The following ZFAT variants were observed in gnomAD, a reference collection of about 807,000 sequenced individuals.
ZFAT encodes zinc finger protein ZFAT.
In ZFAT, 64 loss-of-function variants were observed where a neutral mutation model predicts 117.7. The ratio of observed to expected loss-of-function variants is 0.54; its 90% confidence interval spans 0.44 to 0.67. The LOEUF (loss-of-function observed/expected upper bound fraction) is 0.67. ZFAT is among the 30% of genes least tolerant of loss of function. The probability of loss-of-function intolerance (pLI) is 0.00; values close to 1 mark genes in which losing one functional copy is unlikely to be tolerated. For synonymous variants in ZFAT, 679 were observed against 615.0 expected (o/e 1.10, Z -1.54); for missense variants, 1,433 against 1,584.5 (o/e 0.90, Z 1.62).
At chr8:134,647,560 A>G (rs1321593054) in intron 2 of ZFAT, among the ~76,000 whole-genome samples, 1 of 152,212 alleles carries the variant, frequency 6.6e-6, no homozygotes, top group East Asian at 1.9e-4. Flanking sequence ...CAAAGCATGC[A>G]AAGTAAAATG....
chr8:134,745,793 G>A, the ZFAT span, among the ~76,000 whole-genome samples: 1 of 152,170 alleles, frequency 6.6e-6, no homozygotes, highest in East Asian at 1.9e-4. Context: ...AACATCCTGT[G>A]AGATGAGTAT....
intron 2 of ZFAT, among the ~76,000 whole-genome samples, chr8:134,638,547 T>TAAA (rs1830371290): frequency 2.8e-4 from 3 of 10,538 alleles, no homozygotes; most frequent in African/African-American, 5.3e-4. Flanking sequence ...CTACTAAAAA[T>TAAA]ACAAAAAAAA....
At chr8:134,752,832 G>T in the ZFAT span, among the ~76,000 whole-genome samples, 4 of 152,044 alleles carry the variant, frequency 2.6e-5, no homozygotes, top group Admixed American at 6.5e-5. Flanking sequence ...GATTATAAGG[G>T]CCCCGCCCTC....
chr8:134,515,158 T>TA (rs1820161453), intron 13 of ZFAT, among the ~76,000 whole-genome samples: 1 of 152,242 alleles, frequency 6.6e-6, no homozygotes, highest in African/African-American at 2.4e-5. Context: ...TATGGCTGCA[T>TA]AGTATTCCAT....
At chr8:134,670,091 G>T (rs141582019) in intron 1 of ZFAT, among the ~76,000 whole-genome samples, 2,909 of 152,030 alleles carry the variant, frequency 0.019, 112 homozygotes, top group African/African-American at 0.067. Flanking sequence ...GGAGTACCCA[G>T]ATTCATAAAG....
the ZFAT span, among the ~76,000 whole-genome samples, chr8:134,749,731 TA>T: frequency 2.0e-5 from 3 of 152,242 alleles, no homozygotes; most frequent in African/African-American, 7.2e-5. Context: ...TATTATTTAT[TA>T]AAAATGTTAT....
intron 3 of ZFAT, among the ~76,000 whole-genome samples, chr8:134,611,367 G>A (rs1487360000): frequency 6.6e-6 from 1 of 152,234 alleles, no homozygotes; most frequent in African/African-American, 2.4e-5. Context: ...TCCAATCTAG[G>A]GACAGATGGC....
intron 15 of ZFAT, among the ~76,000 whole-genome samples, chr8:134,479,195 T>C (rs1161876126): frequency 6.6e-6 from 1 of 152,210 alleles, no homozygotes; most frequent in Non-Finnish European, 1.5e-5. Context: ...TCAGGGAGCT[T>C]GCCTCTGTGT....
At chr8:134,622,566 AGAT>A (rs1352767291) in intron 3 of ZFAT, among the ~76,000 whole-genome samples, 1 of 152,118 alleles carries the variant, frequency 6.6e-6, no homozygotes, top group African/African-American at 2.4e-5. Flanking sequence ...TTTTAAGGGC[AGAT>A]AATAAGCAAG....
At chr8:134,742,591 T>G in the ZFAT span, among the ~76,000 whole-genome samples, 1 of 152,130 alleles carries the variant, frequency 6.6e-6, no homozygotes, top group African/African-American at 2.4e-5. Context: ...GGCTCCCACC[T>G]CTCTCCAGAC....
At position 134,520,166 on chromosome 8, in the gene ZFAT, T is replaced by C. The variant is rs58588080; in HGVS notation, c.3234+717A>G. ...GGTAATGTCTGGAGACATTTTTGGG[T>C]ATCTCAACAGGGGATGGGGTTGGGG... On this transcript the variant is annotated intron_variant, in intron 13 of 15. Coordinates refer to ENST00000377838, the MANE Select transcript of ZFAT (RefSeq NM_020863.4). Among the ~76,000 whole-genome samples the C allele has an allele frequency of 7.7e-3, 1,177 of 152,270 alleles. 13 individuals are homozygous for C. Among genetic ancestry groups the C allele is most frequent in the African/African-American group, 0.027 (1,103 of 41,548 alleles).
chr8:134,728,342 C>T, the ZFAT span, among the ~76,000 whole-genome samples: 2 of 151,770 alleles, frequency 1.3e-5, no homozygotes, highest in Admixed American at 6.6e-5. Context: ...AATATTTCTA[C>T]GCAAGCAGAT....
chr8:134,690,054 T>C (rs1833518232), intron 1 of ZFAT, among the ~76,000 whole-genome samples: 1 of 152,272 alleles, frequency 6.6e-6, no homozygotes, highest in African/African-American at 2.4e-5. Context: ...TTTTGTGTAC[T>C]AAGTCTTCAA....
chr8:134,615,779 T>G (rs1192342851), intron 3 of ZFAT, among the ~76,000 whole-genome samples: 1 of 152,270 alleles, frequency 6.6e-6, no homozygotes, highest in African/African-American at 2.4e-5. Context: ...CATTACATTC[T>G]ATTCTTGAAA....
In ZFAT at chr8:134,657,743, AGG is replaced by A; in HGVS notation, c.20-8_20-7del. On this transcript the variant is annotated splice_region_variant and splice_polypyrimidine_tract_variant and intron_variant, in intron 1 of 15. Transcript: ENST00000377838. ...CATAAAGATGGCCGTGTTTTCTGTA[AGG>A]AAAAAAAAGGAAAATATGTTATTTC... The A allele has an allele frequency of 1.2e-6, 2 of 1,607,090 alleles. No homozygotes were observed. Among genetic ancestry groups the A allele is most frequent in the Admixed American group, 1.7e-5 (1 of 58,664 alleles).
chr8:134,512,792 T>G (rs975411863), intron 13 of ZFAT, among the ~76,000 whole-genome samples, 191 bp from the exon 14 acceptor site: 1 of 152,220 alleles, frequency 6.6e-6, no homozygotes, highest in African/African-American at 2.4e-5. Flanking sequence ...TCTGTGAGGA[T>G]CAAGACCTTT....
chr8:134,592,239 A>G (rs1200398481), intron 7 of ZFAT, among the ~76,000 whole-genome samples: 1 of 152,206 alleles, frequency 6.6e-6, no homozygotes, highest in African/African-American at 2.4e-5. Context: ...CCCACCGGGC[A>G]GTCTACTCCT....
chr8:134,791,213 T>C, the ZFAT span, among the ~76,000 whole-genome samples: 6 of 152,212 alleles, frequency 3.9e-5, no homozygotes, highest in Non-Finnish European at 4.4e-5. Flanking sequence ...CACAGACACC[T>C]TCCTCTTTCT....
intron 1 of ZFAT, among the ~76,000 whole-genome samples, chr8:134,687,214 C>G (rs764763814): frequency 3.3e-5 from 5 of 152,200 alleles, no homozygotes; most frequent in Non-Finnish European, 7.3e-5. Context: ...TCATGCATCT[C>G]ATAAAATGCT....
Sources: gnomAD v4.1 joint callset for allele counts (sites outside exome capture counted in the v4.1 genomes callset) on GRCh38, gnomAD v4.1.1 for gene constraint, MANE v1.5 for transcripts, NCBI Gene and HGNC (gene_info 2026-07-23, HGNC 2026-07-21) for gene names.